Variants in GRHL2 observed in about 807,000 individuals in gnomAD.
The protein encoded by GRHL2 is grainyhead-like protein 2 homolog.
Under a neutral mutation model 83.8 loss-of-function variants are expected in GRHL2, and 21 were observed. That is an observed-to-expected ratio of 0.25 (90% CI 0.18 to 0.36). The LOEUF (loss-of-function observed/expected upper bound fraction) is 0.36. GRHL2 is among the 10% of genes least tolerant of loss of function. The pLI, the probability that GRHL2 is intolerant of heterozygous loss-of-function variation, is 1.00. For synonymous variants in GRHL2, 280 were observed against 278.9 expected (o/e 1.00, Z -0.04); for missense variants, 623 against 781.8 (o/e 0.80, Z 2.42).
intron 8 of GRHL2, among the ~76,000 whole-genome samples, chr8:101,605,255 C>T (rs190405228): frequency 1.8e-3 from 273 of 152,292 alleles, no homozygotes; most frequent in Non-Finnish European, 3.0e-3. Context: ...CATGGATAAT[C>T]TTCTTGGGCC....
chr8:101,579,262 T>G (rs143673947), intron 7 of GRHL2, among the ~76,000 whole-genome samples: 1 of 152,334 alleles, frequency 6.6e-6, no homozygotes, highest in African/African-American at 2.4e-5. Context: ...ATGGAGTAGG[T>G]CCAAATAAGG....
chr8:101,555,471 G>A (rs1339740840), intron 3 of GRHL2, among the ~76,000 whole-genome samples: 2 of 152,086 alleles, frequency 1.3e-5, no homozygotes, highest in African/African-American at 4.8e-5. Context: ...CTGATTTCAT[G>A]ATGGACTCTT....
At chr8:101,566,403 A>T (rs1242652263) in intron 4 of GRHL2, among the ~76,000 whole-genome samples, 1 of 147,806 alleles carries the variant, frequency 6.8e-6, no homozygotes, top group Non-Finnish European at 1.5e-5. Context: ...TTGCAGCACC[A>T]TTTGACACTG....
At chr8:101,579,915 G>A (rs563457334) in intron 7 of GRHL2, among the ~76,000 whole-genome samples, 20 of 152,292 alleles carry the variant, frequency 1.3e-4, no homozygotes, top group Admixed American at 3.9e-4. Context: ...TGCGTGGGCC[G>A]TACATTTGCT....
intron 8 of GRHL2, among the ~76,000 whole-genome samples, chr8:101,599,426 T>G (rs1003466589): frequency 1.3e-5 from 2 of 152,096 alleles, no homozygotes; most frequent in African/African-American, 4.8e-5. Flanking sequence ...GAAAACCTTT[T>G]CCCTCTGCAG....
At chr8:101,600,332 T>A (rs901399781) in intron 8 of GRHL2, among the ~76,000 whole-genome samples, 2 of 152,214 alleles carry the variant, frequency 1.3e-5, no homozygotes, top group African/African-American at 2.4e-5. Flanking sequence ...AATGTGTCTC[T>A]AAGGTCCACT....
chr8:101,657,921 A>C (rs1288373680), intron 14 of GRHL2, among the ~76,000 whole-genome samples: 1 of 152,156 alleles, frequency 6.6e-6, no homozygotes, highest in Non-Finnish European at 1.5e-5. Context: ...CAGAACGATC[A>C]TGTGCCACAC....
intron 5 of GRHL2, among the ~76,000 whole-genome samples, chr8:101,571,841 A>G (rs993102681): frequency 5.9e-5 from 9 of 152,150 alleles, no homozygotes; most frequent in African/African-American, 2.2e-4. Context: ...ATTGCCTTCT[A>G]AAATGTGGGA....
At position 101,558,671 on chromosome 8, in the gene GRHL2, G is replaced by A. The variant is rs1811538247; in HGVS notation, c.537G>A (p.Gly179=). ...APPVHYPRGD[G]EEQRVVIFEQ... ...CTGTGCACTATCCCCGGGGAGATGG[G>A]GAAGAGCAACGAGTGGTTATCTTTG... Residue 179 remains glycine, a synonymous_variant, in exon 4 of 16, where the codon GGG becomes GGA. Transcript: ENST00000646743. The A allele has an allele frequency of 6.2e-7, 1 of 1,614,160 alleles. No homozygotes were observed. Among genetic ancestry groups the A allele is most frequent in the Non-Finnish European group, 8.5e-7 (1 of 1,180,038 alleles).
chr8:101,572,577 G>A (rs1436040803), intron 5 of GRHL2, among the ~76,000 whole-genome samples: 1 of 152,114 alleles, frequency 6.6e-6, no homozygotes, highest in Non-Finnish European at 1.5e-5. Context: ...TGAAATAAAA[G>A]AGCTAAAAAA....
intron 1 of GRHL2, chr8:101,542,879 T>C: frequency 6.5e-6 from 3 of 459,638 alleles, no homozygotes; most frequent in Non-Finnish European, 1.3e-5. Context: ...ATAATGGCAT[T>C]GATCCATTCA....
chr8:101,532,945 A>G (rs1197328630), intron 1 of GRHL2, among the ~76,000 whole-genome samples: 2 of 152,116 alleles, frequency 1.3e-5, no homozygotes, highest in South Asian at 4.1e-4. Context: ...AGGAAAGGGT[A>G]GTGGGTAGAA....
intron 1 of GRHL2, among the ~76,000 whole-genome samples, chr8:101,497,091 T>C (rs502216): frequency 0.86 from 130,581 of 152,086 alleles, 56,960 homozygotes; most frequent in Non-Finnish European, 0.95. Flanking sequence ...GTATCACCAG[T>C]TTAATGTTGA....
intron 2 of GRHL2, among the ~76,000 whole-genome samples, chr8:101,550,246 G>T (rs1586085113): frequency 6.6e-6 from 1 of 151,334 alleles, no homozygotes; most frequent in Non-Finnish European, 1.5e-5. Flanking sequence ...GTGCAGGCTT[G>T]TTACATGGAT....
chr8:101,642,526 A>G (rs1297395461), intron 12 of GRHL2, among the ~76,000 whole-genome samples: 1 of 152,206 alleles, frequency 6.6e-6, no homozygotes, highest in African/African-American at 2.4e-5. Flanking sequence ...CCCTGAGGCC[A>G]TGGTCACTTT....
chr8:101,496,480 A>C (rs1203370569), intron 1 of GRHL2, among the ~76,000 whole-genome samples: 2 of 152,274 alleles, frequency 1.3e-5, no homozygotes, highest in Admixed American at 6.5e-5. Flanking sequence ...TTTTGAAAGA[A>C]TATGCCTTGA....
At chr8:101,564,299 A>G (rs1811668367) in intron 4 of GRHL2, among the ~76,000 whole-genome samples, 2 of 152,332 alleles carry the variant, frequency 1.3e-5, no homozygotes, top group South Asian at 2.1e-4. Flanking sequence ...TTCACCAAGA[A>G]AATTTCATTA....
At chr8:101,656,944 CTG>C (rs1228875765) in intron 14 of GRHL2, among the ~76,000 whole-genome samples, 3 of 149,602 alleles carry the variant, frequency 2.0e-5, no homozygotes, top group Admixed American at 1.3e-4. Flanking sequence ...GAGAGGCAGA[CTG>C]TGTTTCCCCT....
In GRHL2 at chr8:101,574,666, C is replaced by T. The variant is rs561497082; in HGVS notation, c.891+842C>T. 4.2e-4 allele frequency among the ~76,000 whole-genome samples: 64 copies of T among 152,306 alleles called. 2 individuals carry two copies. In the South Asian group the frequency reaches 0.011, roughly 26 times the overall value. On this transcript the variant is annotated intron_variant, in intron 6 of 15. Transcript: ENST00000646743. ...GGGCATGCCGCCAGTGCAGGTGGGG[C>T]GCAGGTTCCACGCAAGGCTGAGCTC...
Sources: gnomAD v4.1 joint callset for allele counts (sites outside exome capture counted in the v4.1 genomes callset) on GRCh38, gnomAD v4.1.1 for gene constraint, MANE v1.5 for transcripts, NCBI Gene and HGNC (gene_info 2026-07-23, HGNC 2026-07-21) for gene names.